Variants in PCDHA3 observed in about 807,000 individuals in gnomAD.
PCDHA3 encodes protocadherin alpha 3, also known as protocadherin alpha-3.
In PCDHA3, 41 loss-of-function variants were observed where a neutral mutation model predicts 62.2. The ratio of observed to expected loss-of-function variants is 0.66; its 90% confidence interval spans 0.51 to 0.86. PCDHA3 has a LOEUF of 0.86. PCDHA3 is among the 40% of genes least tolerant of loss of function. PCDHA3 has a pLI of 0.00. For missense variants in PCDHA3, 1,304 were observed against 1,241.2 expected, an observed-to-expected ratio of 1.05 and a Z score of -0.76; for synonymous variants, 640 against 555.4, an observed-to-expected ratio of 1.15 and a Z score of -2.14.
chr5:140,856,897 G>C, intron 1 of PCDHA3: 1 of 1,596,350 alleles, frequency 6.3e-7, no homozygotes, highest in Non-Finnish European at 8.6e-7. Flanking sequence ...TTAGCTCTTT[G>C]GTCCCACCCA....
chr5:140,950,944 T>C (rs2094535037), intron 1 of PCDHA3, among the ~76,000 whole-genome samples: 1 of 152,090 alleles, frequency 6.6e-6, no homozygotes, highest in Admixed American at 6.5e-5. Flanking sequence ...TCAGATTGGA[T>C]CATTTCTATT....
At chr5:141,007,933 A>T (rs1168610845) in intron 3 of PCDHA3, among the ~76,000 whole-genome samples, 1 of 152,212 alleles carries the variant, frequency 6.6e-6, no homozygotes, top group African/African-American at 2.4e-5. Context: ...TGGAATTCTA[A>T]GCCACCTTTT....
At chr5:140,993,462 T>TCACACACACACACACA (rs3836747) in intron 3 of PCDHA3, among the ~76,000 whole-genome samples, 10 of 140,938 alleles carry the variant, frequency 7.1e-5, no homozygotes, top group African/African-American at 2.4e-4. Flanking sequence ...TCTTTCTTTC[T>TCACACACACACACACA]CACACACACA....
intron 1 of PCDHA3, among the ~76,000 whole-genome samples, chr5:140,921,878 A>C (rs2153562324): frequency 6.6e-6 from 1 of 152,204 alleles, no homozygotes; most frequent in South Asian, 2.1e-4. Context: ...TATATATATA[A>C]GATTTTAGAA....
At chr5:140,842,265 T>C in intron 1 of PCDHA3, 1 of 1,610,902 alleles carries the variant, frequency 6.2e-7, no homozygotes. Flanking sequence ...CAAGAAAACT[T>C]ATACAAAATC....
chr5:140,838,179 T>A (rs1554136904), intron 1 of PCDHA3, among the ~76,000 whole-genome samples: 1 of 150,072 alleles, frequency 6.7e-6, no homozygotes, highest in East Asian at 2.0e-4. Context: ...AGTGGTGCAA[T>A]CTCAGCTCAC....
In PCDHA3 at chr5:140,801,811, C is replaced by T. The variant is rs927009690; in HGVS notation, c.614C>T (p.Thr205Ile). The change falls in exon 1 of 4, where the codon ACT becomes ATT. Residue 205 changes from threonine to isoleucine, a missense_variant. By Grantham distance (89) the Thr-to-Ile change is moderately conservative. Transcript: ENST00000522353. Reference protein sequence around the residue: ...VLKKNLNREDTPKHYLLITAI... With the variant: ...VLKKNLNREDIPKHYLLITAI... ...AAAAAAAATTTAAATCGAGAGGACACTCCTAAGCATTATTTACTAATAACA... is the reference window on the plus strand; with the variant it reads ...AAAAAAAATTTAAATCGAGAGGACATTCCTAAGCATTATTTACTAATAACA... 2.9e-5 allele frequency: 47 copies of T among 1,614,004 alleles called. No individual in the cohort carries two copies. The highest frequency in any genetic ancestry group is 3.7e-5 in the Non-Finnish European group (44 of 1,180,048).
intron 1 of PCDHA3, among the ~76,000 whole-genome samples, chr5:140,963,912 A>C (rs2095797972): frequency 6.6e-6 from 1 of 152,246 alleles, no homozygotes. Flanking sequence ...AGTGAAGCTT[A>C]GGCTAAGTAA....
chr5:140,881,409 A>G (rs2153379419), intron 1 of PCDHA3: 1 of 950,550 alleles, frequency 1.1e-6, no homozygotes, highest in East Asian at 1.2e-4. Context: ...TTAAATCAAT[A>G]GGATATTAGT....
chr5:140,812,579 C>T (rs2150030409), intron 1 of PCDHA3: 1 of 151,040 alleles, frequency 6.6e-6, no homozygotes, highest in East Asian at 2.0e-4. Flanking sequence ...TGAGATCTTT[C>T]TTCTTTCTTC....
intron 1 of PCDHA3, among the ~76,000 whole-genome samples, chr5:140,940,510 G>A (rs1477590604): frequency 4.0e-5 from 6 of 151,894 alleles, no homozygotes; most frequent in African/African-American, 9.7e-5. Context: ...TCGCTCAGGC[G>A]TGATCATAGC....
intron 1 of PCDHA3, chr5:140,853,268 G>A: frequency 9.2e-6 from 9 of 975,960 alleles, no homozygotes; most frequent in Non-Finnish European, 1.1e-5. Context: ...CAGAGTACAA[G>A]CTCTCATCAT....
rs782568393 is a variant in PCDHA3 at position 141,011,637 on chromosome 5, C to G, written c.*1700C>G. The G allele has an allele frequency of 2.0e-5, 3 of 153,526 alleles. No homozygotes were observed. Among genetic ancestry groups the G allele is most frequent in the Non-Finnish European group, 4.4e-5 (3 of 68,022 alleles). The allele number at this position is 153,526 out of a possible 1,614,324, so 9.5% of individuals were successfully genotyped here. ...GGTCCAGCCAAGAGCCATCTCGTGC[C>G]AAGACTTCTGCTGGCAAGGGAATGG... is the stretch of plus-strand genomic sequence containing the variant. On this transcript the variant is annotated 3_prime_UTR_variant, in exon 4 of 4. Transcript: ENST00000522353.
intron 1 of PCDHA3, among the ~76,000 whole-genome samples, chr5:140,960,936 T>G (rs1198055000): frequency 6.6e-6 from 1 of 152,210 alleles, no homozygotes. Flanking sequence ...CTAAGTTTAG[T>G]GAATTAGAAA....
intron 1 of PCDHA3, chr5:140,849,385 C>T: frequency 1.3e-6 from 2 of 1,527,726 alleles, no homozygotes; most frequent in South Asian, 2.3e-5. Context: ...CACATGGACC[C>T]CTTAAGTGGG....
rs190398483 is a variant in PCDHA3 at position 140,849,974 on chromosome 5, G to T, written c.2394+46383G>T. The T allele has an allele frequency of 6.3e-6, 10 of 1,597,556 alleles. 1 individual carries two copies. Among genetic ancestry groups the T allele is most frequent in the Admixed American group, 5.1e-5 (3 of 59,294 alleles). On this transcript the variant is annotated intron_variant, in intron 1 of 3. Coordinates refer to ENST00000522353, the MANE Select transcript of PCDHA3 (RefSeq NM_018906.3). ...AGGAGAACGCCCTGGTGTCCTACTC[G>T]CTGGTGGAGCGGCGGTTGGGCGAGC...
chr5:140,965,539 T>C (rs1554227755), intron 1 of PCDHA3, among the ~76,000 whole-genome samples: 1 of 152,034 alleles, frequency 6.6e-6, no homozygotes, highest in East Asian at 1.9e-4. Context: ...GGAATCCAAA[T>C]TCCAGCCTGG....
At chr5:140,850,282 C>T (rs2150477546) in intron 1 of PCDHA3, 2 of 1,595,502 alleles carry the variant, frequency 1.3e-6, no homozygotes, top group African/African-American at 2.7e-5. Context: ...AAGGTGCGCG[C>T]AGTGGACGCC....
At chr5:140,819,799 C>A (rs1766628224) in intron 1 of PCDHA3, among the ~76,000 whole-genome samples, 1 of 151,840 alleles carries the variant, frequency 6.6e-6, no homozygotes, top group African/African-American at 2.4e-5. Flanking sequence ...ATATTTTTTC[C>A]AGACTGAGAG....
Sources: gnomAD v4.1 joint callset for allele counts (sites outside exome capture counted in the v4.1 genomes callset) on GRCh38, gnomAD v4.1.1 for gene constraint, MANE v1.5 for transcripts, NCBI Gene and HGNC (gene_info 2026-07-23, HGNC 2026-07-21) for gene names.